ABAT: variants seen among roughly 807,000 people sequenced by gnomAD.
The protein encoded by ABAT is 4-aminobutyrate aminotransferase, mitochondrial.
ABAT carries 45 observed loss-of-function variants against 64.6 expected under a neutral mutation model. That is an observed-to-expected ratio of 0.70 (90% confidence interval 0.55 to 0.89). The LOEUF (loss-of-function observed/expected upper bound fraction) is 0.89. ABAT is among the 40% of genes least tolerant of loss of function. The pLI, the probability that ABAT is intolerant of heterozygous loss-of-function variation, is 0.00. For synonymous variants in ABAT, 297 were observed against 250.5 expected (o/e 1.19, Z -1.75); for missense variants, 633 against 658.4 (o/e 0.96, Z 0.42).
At chr16:8,714,655 A>T (rs185418849) in intron 1 of ABAT, 1 of 152,636 alleles carries the variant, frequency 6.6e-6, no homozygotes, top group Admixed American at 6.5e-5. Context: ...GCAAGCTGGC[A>T]GCCAGGCCGC....
intron 13 of ABAT, among the ~76,000 whole-genome samples, chr16:8,775,963 C>CT (rs949650645): frequency 1.3e-5 from 2 of 152,162 alleles, no homozygotes; most frequent in African/African-American, 4.8e-5. Context: ...TCACGTTTGC[C>CT]TTAGACAAAT....
Position 8,769,032 on chromosome 16 carries a change from C to G in ABAT, c.816+59C>G. 3.1e-6 allele frequency: 5 copies of G among 1,608,986 alleles called. No individual in the cohort carries two copies. The Admixed American group carries it at 6.7e-5, about 21-fold the overall frequency. On this transcript the variant is annotated intron_variant, in intron 11 of 15. Transcript: ENST00000268251. ...ACCAGTCCTGTTGCTCTTGCCGCCC[C>G]AAGACTTGGGGAGAAGAGAAACAGA...
intron 6 of ABAT, among the ~76,000 whole-genome samples, chr16:8,760,602 C>A (rs140951687): frequency 2.6e-5 from 4 of 152,298 alleles, no homozygotes; most frequent in African/African-American, 9.6e-5. Flanking sequence ...CCACTGAGGC[C>A]GGAGGCTCCC....
At chr16:8,758,287 C>A (rs13339338) in intron 6 of ABAT, among the ~76,000 whole-genome samples, 1 of 152,140 alleles carries the variant, frequency 6.6e-6, no homozygotes. Context: ...AATAAACCCA[C>A]AGGAGCTGAG....
At chr16:8,719,173 C>T (rs1448841440) in intron 1 of ABAT, among the ~76,000 whole-genome samples, 1 of 152,102 alleles carries the variant, frequency 6.6e-6, no homozygotes, top group African/African-American at 2.4e-5. Flanking sequence ...CTCTGGGGCT[C>T]GGCACAGGTG....
intron 14 of ABAT, among the ~76,000 whole-genome samples, chr16:8,778,052 G>A (rs968529543): frequency 1.3e-5 from 2 of 152,144 alleles, no homozygotes; most frequent in African/African-American, 2.4e-5. Flanking sequence ...ATGAGCTGCC[G>A]TGAAATAAGA....
At chr16:8,769,575 AAAAAG>A (rs1239731193) in intron 11 of ABAT, among the ~76,000 whole-genome samples, 10 of 149,874 alleles carry the variant, frequency 6.7e-5, no homozygotes, top group Admixed American at 2.7e-4. Context: ...AAAAAAAAAA[AAAAAG>A]AGAGAGAGAG....
At chr16:8,678,335 A>G (rs1460187905) in intron 1 of ABAT, among the ~76,000 whole-genome samples, 1 of 152,096 alleles carries the variant, frequency 6.6e-6, no homozygotes, top group Non-Finnish European at 1.5e-5. Context: ...GTGAGTTACA[A>G]CCAAAGCGCT....
In ABAT at chr16:8,761,219, C is replaced by CCG. The variant is rs2059787667; in HGVS notation, c.367-2850_367-2849insCG. 3.4e-5 allele frequency among the ~76,000 whole-genome samples: 5 copies of CCG among 145,694 alleles called. No individual in the cohort carries two copies. The Admixed American group carries it at 3.4e-4, about 10-fold the overall frequency. ...CCATCACCTTTCACCTCTCTCTGCC[C>CCG]TCTCACCTCGTCAGGGACTGGTCCT... On this transcript the variant is annotated intron_variant, in intron 6 of 15. Transcript: ENST00000268251.
chr16:8,743,493 A>G (rs1463750732), intron 2 of ABAT, among the ~76,000 whole-genome samples: 3 of 140,226 alleles, frequency 2.1e-5, no homozygotes, highest in Non-Finnish European at 4.6e-5. Context: ...GTTATAATGT[A>G]TTATATAATA....
At chr16:8,703,138 G>T (rs1013424257) in intron 1 of ABAT, among the ~76,000 whole-genome samples, 10 of 152,026 alleles carry the variant, frequency 6.6e-5, no homozygotes, top group Non-Finnish European at 1.5e-4. Flanking sequence ...TGATATAAAA[G>T]TTTCCACTTA....
At chr16:8,744,471 G>A (rs562413476) in intron 2 of ABAT, among the ~76,000 whole-genome samples, 10 of 151,784 alleles carry the variant, frequency 6.6e-5, no homozygotes, top group Admixed American at 5.3e-4. Flanking sequence ...GGGTTCAAGC[G>A]ATTCTCATGC....
chr16:8,714,678 G>A (rs1260956827), intron 1 of ABAT: 1 of 152,514 alleles, frequency 6.6e-6, no homozygotes, highest in Admixed American at 6.5e-5. Flanking sequence ...CCGGAGGAAG[G>A]GGGTCCTCTG....
chr16:8,752,079 C>T (rs541827436), intron 5 of ABAT, among the ~76,000 whole-genome samples: 29 of 152,338 alleles, frequency 1.9e-4, no homozygotes, highest in African/African-American at 6.7e-4. Context: ...GGACCCTGCT[C>T]AGAAGCCTGG....
At chr16:8,759,719 T>G (rs911119356) in intron 6 of ABAT, among the ~76,000 whole-genome samples, 1 of 152,132 alleles carries the variant, frequency 6.6e-6, no homozygotes, top group African/African-American at 2.4e-5. Flanking sequence ...TTTTCTTTTG[T>G]TTTTGGTAGA....
chr16:8,719,513 C>T (rs1454543907), intron 1 of ABAT, among the ~76,000 whole-genome samples: 1 of 152,198 alleles, frequency 6.6e-6, no homozygotes. Flanking sequence ...TGTGTTCGTT[C>T]TCCCTGGATT....
At chr16:8,706,249 A>G (rs2057939662) in intron 1 of ABAT, among the ~76,000 whole-genome samples, 1 of 150,560 alleles carries the variant, frequency 6.6e-6, no homozygotes, top group African/African-American at 2.4e-5. Context: ...ATATATATAT[A>G]TATACAAAAA....
intron 5 of ABAT, among the ~76,000 whole-genome samples, chr16:8,756,383 T>C (rs1476523045): frequency 6.6e-6 from 1 of 152,192 alleles, no homozygotes; most frequent in African/African-American, 2.4e-5. Context: ...CGTCAAACAT[T>C]TTTATTTTAA....
intron 9 of ABAT, among the ~76,000 whole-genome samples, chr16:8,766,511 C>T (rs147210526): frequency 1.7e-3 from 252 of 151,910 alleles, no homozygotes; most frequent in African/African-American, 5.7e-3. Flanking sequence ...AAAAATTACC[C>T]GGGCATAGTG....
Sources: allele counts gnomAD v4.1 joint callset (sites outside exome capture counted in the v4.1 genomes callset), GRCh38; gene constraint gnomAD v4.1.1; transcripts MANE v1.5; gene names NCBI Gene and HGNC (gene_info 2026-07-23, HGNC 2026-07-21).